CHD7: variants seen among roughly 807,000 people sequenced by gnomAD.
The protein encoded by CHD7 is chromodomain helicase DNA binding protein 7, also known as ATP-dependent chromatin remodeler CHD7.
Under a neutral mutation model 307.3 loss-of-function variants are expected in CHD7, and 24 were observed. The ratio of observed to expected loss-of-function variants is 0.08; its 90% CI spans 0.06 to 0.11. CHD7 has a LOEUF of 0.11. Among genes scored for constraint, CHD7 ranks in the 10% least tolerant of loss-of-function variants. CHD7 has a pLI of 1.00. For synonymous variants in CHD7, 1,363 were observed against 1,349.9 expected (o/e 1.01, Z -0.21); for missense variants, 3,106 against 3,727.1 (o/e 0.83, Z 4.34).
intron 1 of CHD7, among the ~76,000 whole-genome samples, chr8:60,727,904 A>C (rs1047285044): frequency 6.6e-6 from 1 of 152,184 alleles, no homozygotes; most frequent in Non-Finnish European, 1.5e-5. Context: ...GGTTTTTACC[A>C]TCTGCTCAGT....
intron 8 of CHD7, 105 bp downstream of exon 8, chr8:60,816,606 G>T: frequency 1.5e-6 from 1 of 674,350 alleles, no homozygotes; most frequent in Non-Finnish European, 2.5e-6. Context: ...GTCTCATTTG[G>T]TGCTGTCAAC....
Position 60,742,724 on chromosome 8 carries a change from C to T in CHD7, c.1292C>T (p.Pro431Leu). 6.2e-7 allele frequency: 1 copy of T among 1,613,816 alleles called. No homozygotes were observed. ...PMEVGSYPNM[P>L]HPQPSHQPPG... ...GAAGTTGGCAGTTATCCAAATATGC[C>T]CCATCCTCAGCCATCTCACCAGCCC... The change falls in exon 2 of 38, where the codon CCC becomes CTC. Residue 431 changes from proline (P) to leucine (L), a missense_variant. By Grantham distance (98) the Pro-to-Leu change is moderately conservative (BLOSUM62 -3). Transcript: ENST00000423902.
rs1805193801 is a variant in CHD7 at position 60,845,955 on chromosome 8, A to G, written c.5210+546A>G. ...GTCTATTCTGTGTATCTCCTAGGGG[A>G]ATCACAGATTATTTGTCCTTCTGTG... On this transcript the variant is annotated intron_variant, in intron 23 of 37. Transcript: ENST00000423902. Among the ~76,000 whole-genome samples the G allele has an allele frequency of 2.0e-5, 3 of 152,172 alleles. No individual in the cohort carries two copies. In the South Asian group the frequency reaches 6.2e-4, roughly 32 times the overall value.
intron 7 of CHD7, among the ~76,000 whole-genome samples, chr8:60,814,363 AACTG>A (rs1277566258): frequency 6.6e-6 from 1 of 152,232 alleles, no homozygotes; most frequent in Non-Finnish European, 1.5e-5. Flanking sequence ...CAAGAATACT[AACTG>A]ACTGACTGCA....
intron 2 of CHD7, among the ~76,000 whole-genome samples, chr8:60,761,241 A>G (rs1203017059): frequency 2.0e-5 from 3 of 150,350 alleles, no homozygotes; most frequent in Non-Finnish European, 4.4e-5. Context: ...CTATCGCAAG[A>G]ACAAAAAACC....
chr8:60,845,222 T>A (rs773547003), intron 22 of CHD7, 28 bp from the exon 23 acceptor site: 7 of 1,595,616 alleles, frequency 4.4e-6, no homozygotes, highest in Non-Finnish European at 6.0e-6. Context: ...GTAAAAGGCT[T>A]CTATTATTAT....
chr8:60,860,926 C>G lies in CHD7; in HGVS notation c.7631C>G (p.Ala2544Gly), dbSNP rs1053913378. 6.2e-7 allele frequency: 1 copy of G among 1,613,534 alleles called. No homozygotes were observed. The highest frequency in any genetic ancestry group is 8.5e-7 in the Non-Finnish European group (1 of 1,179,658). ...LSAEDAEVTKAFEEDIETPPT... is the reference protein window; with the variant it reads ...LSAEDAEVTKGFEEDIETPPT... ...CAGGAGGATGCTGAGGTGACCAAAG[C>G]TTTTGAAGAAGATATAGAGACCCCA... is the stretch of plus-strand genomic sequence containing the variant. The change falls in exon 35 of 38, where the codon GCT becomes GGT. Residue 2544 changes from alanine (A) to glycine (G), a missense_variant. This residue lies in a region of CHD7 where 1,030 missense variants were observed against 1,165.4 expected (regional missense o/e 0.88). Coordinates refer to ENST00000423902, the MANE Select transcript of CHD7 (RefSeq NM_017780.4).
intron 5 of CHD7, 76 bp downstream of exon 5, chr8:60,800,601 G>A: frequency 7.1e-7 from 1 of 1,411,876 alleles, no homozygotes; most frequent in Non-Finnish European, 9.7e-7. Flanking sequence ...AATCTGAGAA[G>A]TGCAGTGGAA....
chr8:60,823,761 G>A (rs1804147774), intron 12 of CHD7, 79 bp from the exon 13 acceptor site: 1 of 1,167,896 alleles, frequency 8.6e-7, no homozygotes, highest in South Asian at 1.3e-5. Flanking sequence ...AAATACGTAT[G>A]TTTTATGCTA....
Position 60,865,471 on chromosome 8 carries a change from G to GGAGAAAGGAAAT in CHD7, c.8538_8549dup (p.Lys2846_Glu2849dup), listed in dbSNP as rs2129765422. 3.7e-6 allele frequency: 6 copies of GGAGAAAGGAAAT among 1,614,036 alleles called. No individual in the cohort carries two copies. Among genetic ancestry groups the GGAGAAAGGAAAT allele is most frequent in the Non-Finnish European group, 5.1e-6 (6 of 1,179,896 alleles). On this transcript the variant is annotated inframe_insertion, in exon 38 of 38. Transcript: ENST00000423902. This position sits in a 1 kb window ranked among gnomAD's most constrained non-coding sequence, Gnocchi z 4.3. ...CGGAAGACAGCACTTCAAAAGGAGA[G>GGAGAAAGGAAAT]GAGAAAGGAAATGAGAATGAAGACG...
chr8:60,859,984 C>G (rs1330215862), intron 34 of CHD7, among the ~76,000 whole-genome samples: 1 of 152,002 alleles, frequency 6.6e-6, no homozygotes, highest in East Asian at 1.9e-4. Context: ...ATCAGGGAGA[C>G]CATTTAGGAA....
intron 1 of CHD7, among the ~76,000 whole-genome samples, chr8:60,704,560 A>G (rs890617380): frequency 2.0e-4 from 31 of 151,666 alleles, no homozygotes; most frequent in African/African-American, 7.5e-4. Flanking sequence ...CCATGTGCAT[A>G]GATTGGAAGG....
chr8:60,715,610 C>A (rs1345543947), intron 1 of CHD7, among the ~76,000 whole-genome samples: 1 of 152,072 alleles, frequency 6.6e-6, no homozygotes, highest in Non-Finnish European at 1.5e-5. Context: ...TGAGCCACCG[C>A]GCCCAGCCCC....
chr8:60,686,106 G>A (rs1805875356), intron 1 of CHD7, among the ~76,000 whole-genome samples: 1 of 152,168 alleles, frequency 6.6e-6, no homozygotes, highest in African/African-American at 2.4e-5. Context: ...ACTCAGTCAA[G>A]TCTTCTGGGT....
chr8:60,715,773 A>G (rs955753806), intron 1 of CHD7, among the ~76,000 whole-genome samples: 1 of 152,196 alleles, frequency 6.6e-6, no homozygotes, highest in Non-Finnish European at 1.5e-5. Flanking sequence ...AAACAAAACA[A>G]AACAAAACAA....
At chr8:60,825,634 G>T (rs1804224900) in intron 13 of CHD7, among the ~76,000 whole-genome samples, 1 of 152,122 alleles carries the variant, frequency 6.6e-6, no homozygotes, top group Admixed American at 6.5e-5. Context: ...TCTCAGTAGG[G>T]ATCCACCTTC....
chr8:60,808,608 T>C (rs563056038), intron 7 of CHD7: 1 of 291,378 alleles, frequency 3.4e-6, no homozygotes, highest in African/African-American at 2.3e-5. Flanking sequence ...CTACACTTCG[T>C]CCCTTCACCT....
At chr8:60,786,832 G>C (rs898698622) in intron 3 of CHD7, among the ~76,000 whole-genome samples, 15 of 152,168 alleles carry the variant, frequency 9.9e-5, no homozygotes, top group African/African-American at 3.4e-4. Flanking sequence ...AATGCAGTTT[G>C]CACCTGATAT....
intron 2 of CHD7, among the ~76,000 whole-genome samples, chr8:60,777,989 G>T (rs1811030461): frequency 6.6e-6 from 1 of 151,334 alleles, no homozygotes; most frequent in Non-Finnish European, 1.5e-5. Context: ...GGTAATATCA[G>T]ATGTTAATGG....
Sources: allele counts gnomAD v4.1 joint callset (sites outside exome capture counted in the v4.1 genomes callset), GRCh38; gene constraint gnomAD v4.1.1; regional missense constraint gnomAD v4.1.1; non-coding constraint Gnocchi (gnomAD v3.1); transcripts MANE v1.5; gene names NCBI Gene and HGNC (gene_info 2026-07-23, HGNC 2026-07-21).